The following GALNTL6 variants were observed in gnomAD, a reference collection of about 807,000 sequenced individuals.
GALNTL6 encodes polypeptide N-acetylgalactosaminyltransferase-like 6.
In GALNTL6, 46 loss-of-function variants were observed where a neutral mutation model predicts 73.7. That is an observed-to-expected ratio of 0.62 (90% confidence interval 0.49 to 0.80). The LOEUF (loss-of-function observed/expected upper bound fraction) is 0.80. Among genes scored for constraint, GALNTL6 ranks in the 30% least tolerant of loss-of-function variants. GALNTL6 has a pLI of 0.00. For synonymous variants in GALNTL6, 259 were observed against 263.7 expected (o/e 0.98, Z 0.17); for missense variants, 604 against 755.0 (o/e 0.80, Z 2.34).
intron 2 of GALNTL6, among the ~76,000 whole-genome samples, chr4:172,006,280 A>T (rs1740839388): frequency 6.6e-6 from 1 of 152,276 alleles, no homozygotes; most frequent in South Asian, 2.1e-4. Flanking sequence ...TTTTTCCTAT[A>T]TGCCAATGGC....
At chr4:173,033,744 C>G (rs1376522701) in intron 12 of GALNTL6, among the ~76,000 whole-genome samples, 1 of 152,200 alleles carries the variant, frequency 6.6e-6, no homozygotes, top group South Asian at 2.1e-4. Flanking sequence ...TAATTCCAAG[C>G]CTTCATTCCC....
At chr4:172,649,512 G>A (rs893442436) in intron 5 of GALNTL6, among the ~76,000 whole-genome samples, 50 of 152,158 alleles carry the variant, frequency 3.3e-4, no homozygotes, top group African/African-American at 1.1e-3. Context: ...CCATGATGAT[G>A]TGCTCTCTTC....
chr4:172,367,842 G>A (rs1554017783), intron 5 of GALNTL6, among the ~76,000 whole-genome samples: 1 of 152,134 alleles, frequency 6.6e-6, no homozygotes, highest in Non-Finnish European at 1.5e-5. Context: ...AGAAAAATAT[G>A]TATATGTCTC....
At chr4:172,612,887 A>C (rs1375566835) in intron 5 of GALNTL6, among the ~76,000 whole-genome samples, 2 of 152,098 alleles carry the variant, frequency 1.3e-5, no homozygotes, top group African/African-American at 4.8e-5. Context: ...AACATGTAAA[A>C]TGAAAAAAGA....
At chr4:172,932,305 T>G (rs1579671807) in intron 9 of GALNTL6, among the ~76,000 whole-genome samples, 1 of 152,282 alleles carries the variant, frequency 6.6e-6, no homozygotes, top group Admixed American at 6.5e-5. Context: ...TTGAAAGAAT[T>G]AATTAATCAG....
chr4:172,796,336 G>A (rs1740261475), intron 5 of GALNTL6, among the ~76,000 whole-genome samples: 1 of 152,052 alleles, frequency 6.6e-6, no homozygotes, highest in Non-Finnish European at 1.5e-5. Context: ...TGTGGTCTTA[G>A]GCAAATTTCT....
intron 2 of GALNTL6, among the ~76,000 whole-genome samples, chr4:172,024,759 G>A (rs567103855): frequency 6.6e-6 from 1 of 152,030 alleles, no homozygotes; most frequent in East Asian, 1.9e-4. Flanking sequence ...AACCAGTATA[G>A]ATTTTTGTGA....
chr4:172,945,359 TG>T (rs1749115329), intron 9 of GALNTL6, among the ~76,000 whole-genome samples: 1 of 152,202 alleles, frequency 6.6e-6, no homozygotes, highest in African/African-American at 2.4e-5. Context: ...TTGATAGTGT[TG>T]ATGATTCCAC....
chr4:172,831,641 G>T (rs1435713020), intron 7 of GALNTL6, among the ~76,000 whole-genome samples: 2 of 152,190 alleles, frequency 1.3e-5, no homozygotes, highest in Non-Finnish European at 2.9e-5. Flanking sequence ...TGTGGGGTCT[G>T]GCTGGGTCTG....
intron 8 of GALNTL6, among the ~76,000 whole-genome samples, chr4:172,899,058 A>AGAG (rs1354779024): frequency 1.3e-5 from 2 of 152,252 alleles, no homozygotes; most frequent in East Asian, 3.9e-4. Flanking sequence ...AGACCCCTCT[A>AGAG]GAGTTGTAAG....
intron 2 of GALNTL6, among the ~76,000 whole-genome samples, chr4:172,113,088 GTT>G (rs1732898933): frequency 6.6e-6 from 1 of 151,188 alleles, no homozygotes; most frequent in Admixed American, 6.6e-5. Flanking sequence ...TAAATTTCTT[GTT>G]AAGGGTCTTA....
At chr4:172,295,590 A>C (rs890295948) in intron 3 of GALNTL6, among the ~76,000 whole-genome samples, 9 of 124,082 alleles carry the variant, frequency 7.3e-5, no homozygotes, top group Non-Finnish European at 1.1e-4. Context: ...CTCTATAACC[A>C]AATATGTGTA....
At chr4:172,110,061 G>A (rs1732809334) in intron 2 of GALNTL6, among the ~76,000 whole-genome samples, 1 of 152,132 alleles carries the variant, frequency 6.6e-6, no homozygotes, top group Admixed American at 6.5e-5. Flanking sequence ...AGGTAAAACA[G>A]AATATTCTCT....
At chr4:172,423,541 T>A (rs1160488784) in intron 5 of GALNTL6, among the ~76,000 whole-genome samples, 1 of 152,072 alleles carries the variant, frequency 6.6e-6, no homozygotes, top group Non-Finnish European at 1.5e-5. Context: ...TCCTGATAAC[T>A]AATATTTTCA....
intron 5 of GALNTL6, among the ~76,000 whole-genome samples, chr4:172,386,924 A>G (rs1743493681): frequency 6.6e-6 from 1 of 152,180 alleles, no homozygotes; most frequent in Admixed American, 6.6e-5. Context: ...AAGCCCAACC[A>G]TTCCAATCAA....
chr4:172,801,314 C>T (rs1045900819), intron 5 of GALNTL6, among the ~76,000 whole-genome samples: 5 of 152,084 alleles, frequency 3.3e-5, no homozygotes, highest in African/African-American at 9.7e-5. Context: ...TATTATTTGC[C>T]TCTTCCCAAA....
chr4:172,204,160 G>A (rs1736036087), intron 2 of GALNTL6, among the ~76,000 whole-genome samples: 1 of 152,072 alleles, frequency 6.6e-6, no homozygotes, highest in African/African-American at 2.4e-5. Flanking sequence ...AGTTTACTAG[G>A]TTGTTTGCTA....
At chr4:172,819,298 A>G (rs1741793120) in intron 7 of GALNTL6, among the ~76,000 whole-genome samples, 1 of 152,252 alleles carries the variant, frequency 6.6e-6, no homozygotes. Context: ...CTTGTATAAG[A>G]ATGTGAGAAA....
chr4:172,821,951 C>T (rs1177150156), intron 7 of GALNTL6, among the ~76,000 whole-genome samples: 6 of 152,140 alleles, frequency 3.9e-5, no homozygotes, highest in African/African-American at 7.2e-5. Flanking sequence ...CCTGGCTGCC[C>T]TGAGCCCCCA....
Sources: gnomAD v4.1 joint callset for allele counts (sites outside exome capture counted in the v4.1 genomes callset) on GRCh38, gnomAD v4.1.1 for gene constraint, MANE v1.5 for transcripts, NCBI Gene and HGNC (gene_info 2026-07-23, HGNC 2026-07-21) for gene names.